CEP192: variants seen among roughly 807,000 people sequenced by gnomAD.
CEP192 encodes the protein centrosomal protein 192.
Under a neutral mutation model 271.8 loss-of-function variants are expected in CEP192, and 151 were observed. That is an observed-to-expected ratio of 0.56 (90% CI 0.49 to 0.64). CEP192 has a LOEUF of 0.64. Ranked by LOEUF, CEP192 falls within the 30% of genes least tolerant of loss-of-function variation. The pLI is 0.00. For missense variants in CEP192, 2,910 were observed against 3,020.5 expected, an observed-to-expected ratio of 0.96 and a Z score of 0.86; for synonymous variants, 995 against 1,076.5, an observed-to-expected ratio of 0.92 and a Z score of 1.48.
At chr18:13,013,196 G>T (rs73417553) in intron 5 of CEP192, among the ~76,000 whole-genome samples, 171 bp downstream of exon 5, 2,166 of 151,734 alleles carry the variant, frequency 0.014, 58 homozygotes, top group African/African-American at 0.05. Context: ...GTAATGAGAA[G>T]GTTCAGGGGT....
chr18:13,022,392 ATTGT>A (rs2035043961), intron 9 of CEP192, among the ~76,000 whole-genome samples: 3 of 148,292 alleles, frequency 2.0e-5, no homozygotes, highest in Admixed American at 2.0e-4. Context: ...TTTTCTTTTT[ATTGT>A]TTGAGACGGA....
intron 42 of CEP192, 129 bp downstream of exon 42, chr18:13,114,380 T>G: frequency 1.1e-6 from 1 of 942,848 alleles, no homozygotes; most frequent in African/African-American, 1.7e-5. Flanking sequence ...ATACAGAATA[T>G]TCCTCTCGCC....
intron 18 of CEP192, among the ~76,000 whole-genome samples, chr18:13,054,333 T>C (rs1198451186): frequency 2.6e-5 from 4 of 152,226 alleles, no homozygotes; most frequent in Non-Finnish European, 4.4e-5. Context: ...GCTATTTTCG[T>C]GTGTGGACGT....
intron 1 of CEP192, among the ~76,000 whole-genome samples, chr18:12,997,371 G>GGGGAATCTGTGCAGGA (rs1482363815): frequency 1.3e-5 from 2 of 152,146 alleles, no homozygotes; most frequent in East Asian, 3.8e-4. Flanking sequence ...GGGCGGCAGG[G>GGGGAATCTGTGCAGGA]GGGAATCTGT....
In CEP192 at chr18:13,067,822, G is replaced by A; in HGVS notation, c.4489-9G>A. 6.3e-7 allele frequency: 1 copy of A among 1,588,278 alleles called. No individual in the cohort carries two copies. Among genetic ancestry groups the A allele is most frequent in the Non-Finnish European group, 8.6e-7 (1 of 1,165,182 alleles). ...TTTTCATAAATCATTCCCTTTTTTTGATAATTAGGTAGAAACAGAAAAGAA... is the reference window on the plus strand; with the variant it reads ...TTTTCATAAATCATTCCCTTTTTTTAATAATTAGGTAGAAACAGAAAAGAA... On this transcript the variant is annotated splice_polypyrimidine_tract_variant and intron_variant, in intron 21 of 44. Coordinates refer to ENST00000506447, the MANE Select transcript of CEP192 (RefSeq NM_032142.4).
Position 13,095,593 on chromosome 18 carries a change from G to A in CEP192, c.6345G>A (p.Arg2115=), listed in dbSNP as rs1422184935. 6.2e-7 allele frequency: 1 copy of A among 1,614,144 alleles called. No homozygotes were observed. Among genetic ancestry groups the A allele is most frequent in the Non-Finnish European group, 8.5e-7 (1 of 1,180,016 alleles). Residue 2115 remains arginine (R), a synonymous_variant, in exon 35 of 45, where the codon CGG becomes CGA. Coordinates refer to ENST00000506447, the MANE Select transcript of CEP192 (RefSeq NM_032142.4). ...KGPQGSPLLS[R]AARPPLDQLA... is the part of the protein sequence containing the mutation. The stretch of plus-strand genomic sequence containing the variant: ...CTCAGGGTTCTCCTCTTCTCTCACG[G>A]GCGGCTCGCCCGCCTCTGGATCAGC...
At chr18:13,090,080 T>C (rs1164724922) in intron 33 of CEP192, among the ~76,000 whole-genome samples, 1 of 152,216 alleles carries the variant, frequency 6.6e-6, no homozygotes, top group Non-Finnish European at 1.5e-5. Flanking sequence ...TTAGCCCTGT[T>C]TACACTAAAC....
In CEP192 at chr18:13,039,325, C is replaced by T. The variant is rs557788376; in HGVS notation, c.1809+746C>T. The stretch of plus-strand genomic sequence containing the variant: ...AAAAAATTAGCCAGATATGGTGGTG[C>T]GTGGCTGTAATCCCAGCTACTTGGG... On this transcript the variant is annotated intron_variant, in intron 13 of 44. Coordinates refer to ENST00000506447, the MANE Select transcript of CEP192 (RefSeq NM_032142.4). Among the ~76,000 whole-genome samples, 13 of 152,060 alleles carry T rather than the reference C, an allele frequency of 8.5e-5. No homozygotes were observed. The East Asian group carries it at 2.3e-3, about 27-fold the overall frequency.
At chr18:13,098,999 G>A (rs911241896) in intron 36 of CEP192, among the ~76,000 whole-genome samples, 28 of 152,112 alleles carry the variant, frequency 1.8e-4, no homozygotes, top group East Asian at 1.7e-3. Flanking sequence ...CCAACACAGC[G>A]AAACCCCGTC....
chr18:13,111,171 C>T (rs2040192496), intron 40 of CEP192, among the ~76,000 whole-genome samples: 1 of 152,220 alleles, frequency 6.6e-6, no homozygotes, highest in Admixed American at 6.5e-5. Context: ...GTTGCCCAGG[C>T]TGGAGTGCAG....
At chr18:13,069,270 G>A in intron 26 of CEP192, 89 bp downstream of exon 26, 1 of 1,075,100 alleles carries the variant, frequency 9.3e-7, no homozygotes, top group Non-Finnish European at 1.4e-6. Flanking sequence ...GCTCTTCCTG[G>A]CCCAACAGAG....
At chr18:13,095,779 T>C (rs546647401) in intron 35 of CEP192, 98 bp downstream of exon 35, 2 of 1,051,118 alleles carry the variant, frequency 1.9e-6, no homozygotes, top group East Asian at 2.5e-5. Flanking sequence ...CATGGGCTCC[T>C]GCACATTGAG....
chr18:13,069,804 C>T lies in CEP192; in HGVS notation c.5122C>T (p.His1708Tyr), dbSNP rs1014559360. The change falls in exon 27 of 45, where the codon CAT becomes TAT. Residue 1708 changes from histidine (H) to tyrosine (Y), a missense_variant. By Grantham distance (83) the His-to-Tyr change is moderately conservative (BLOSUM62 2). Transcript: ENST00000506447. ...TCTACTCCTTAAACCTGGAGAAGAA[C>T]ATGAGGTTATTGTTTCATTTACTCC... ...KNLLLKPGEE[H>Y]EVIVSFTPKD... is the part of the protein sequence containing the mutation. 1 of 1,606,240 alleles carries T rather than the reference C, an allele frequency of 6.2e-7. No homozygotes were observed. The highest frequency in any genetic ancestry group is 2.2e-5 in the East Asian group (1 of 44,814).
intron 21 of CEP192, 105 bp downstream of exon 21, chr18:13,059,417 A>C: frequency 1.2e-6 from 1 of 820,974 alleles, no homozygotes; most frequent in East Asian, 2.6e-5. Context: ...CGAAGGTGCC[A>C]CAAAATTAGT....
chr18:13,068,122 T>C lies in CEP192; in HGVS notation c.4643T>C (p.Phe1548Ser). The change falls in exon 23 of 45, where the codon TTT becomes TCT. Residue 1548 changes from phenylalanine (F) to serine (S), a missense_variant. By Grantham distance (155) the Phe-to-Ser change is radical. Coordinates refer to ENST00000506447, the MANE Select transcript of CEP192 (RefSeq NM_032142.4). Reference protein sequence around the residue: ...ANAVAWRCFTFSKESVRAPVE... With the variant: ...ANAVAWRCFTSSKESVRAPVE... ...GCTGTAGCCTGGCGCTGTTTCACGT[T>C]TTCCAAGGAATCCGTCCGAGCTCCT... The C allele has an allele frequency of 2.5e-6, 4 of 1,614,238 alleles. No homozygotes were observed.
intron 33 of CEP192, among the ~76,000 whole-genome samples, chr18:13,090,021 CA>C (rs1434919911): frequency 6.6e-6 from 1 of 151,860 alleles, no homozygotes; most frequent in African/African-American, 2.4e-5. Context: ...GTAGTGGTGG[CA>C]AAAAAACTTC....
At chr18:13,098,933 C>T (rs1598599312) in intron 36 of CEP192, among the ~76,000 whole-genome samples, 1 of 152,204 alleles carries the variant, frequency 6.6e-6, no homozygotes, top group South Asian at 2.1e-4. Context: ...ATCCCGGCAC[C>T]TCGGGAGGCT....
At chr18:13,101,844 T>C (rs1196460319) in intron 38 of CEP192, among the ~76,000 whole-genome samples, 1 of 152,116 alleles carries the variant, frequency 6.6e-6, no homozygotes, top group Non-Finnish European at 1.5e-5. Context: ...TTGTGCTCTC[T>C]CCCAGCCCGC....
At chr18:13,033,754 A>G (rs2035761059) in intron 11 of CEP192, among the ~76,000 whole-genome samples, 1 of 152,226 alleles carries the variant, frequency 6.6e-6, no homozygotes, top group Non-Finnish European at 1.5e-5. Flanking sequence ...TAGTTACTCA[A>G]ATGGAATGAT....
Sources: allele counts gnomAD v4.1 joint callset (sites outside exome capture counted in the v4.1 genomes callset), GRCh38; gene constraint gnomAD v4.1.1; transcripts MANE v1.5; gene names NCBI Gene and HGNC (gene_info 2026-07-23, HGNC 2026-07-21).